Variants in VIPR2 observed in about 807,000 individuals in gnomAD.
VIPR2 encodes the protein vasoactive intestinal polypeptide receptor 2.
Under a neutral mutation model 58.0 loss-of-function variants are expected in VIPR2, and 48 were observed. The observed-to-expected ratio is 0.83, with a 90% confidence interval of 0.66 to 1.05. VIPR2 has a LOEUF of 1.05. Ranked by LOEUF, VIPR2 falls within the 50% of genes least tolerant of loss-of-function variation. The pLI, the probability that VIPR2 is intolerant of heterozygous loss-of-function variation, is 0.00. For missense variants in VIPR2, 534 were observed against 558.0 expected, an observed-to-expected ratio of 0.96 and a Z score of 0.43; for synonymous variants, 243 against 235.2, an observed-to-expected ratio of 1.03 and a Z score of -0.30.
intron 4 of VIPR2, among the ~76,000 whole-genome samples, chr7:159,102,509 C>A (rs1022856590): frequency 6.6e-6 from 1 of 152,204 alleles, no homozygotes; most frequent in African/African-American, 2.4e-5. Flanking sequence ...ACCTTCCAAT[C>A]GTTGGGATAT....
Position 159,141,514 on chromosome 7 carries a change from C to T in VIPR2, c.151+932G>A, listed in dbSNP as rs554621087. Among the ~76,000 whole-genome samples the T allele has an allele frequency of 8.5e-4, 129 of 152,318 alleles. 1 individual carries two copies. The highest frequency in any genetic ancestry group is 1.5e-3 in the Non-Finnish European group (100 of 68,038). ...CCTTGAAATGGGGCCCAAACTGTGTCGTGCTGTAAGCACAAAAAACACACT... is the reference window on the plus strand; with the variant it reads ...CCTTGAAATGGGGCCCAAACTGTGTTGTGCTGTAAGCACAAAAAACACACT... On this transcript the variant is annotated intron_variant, in intron 2 of 12. Transcript: ENST00000262178.
rs186521885 is a variant in VIPR2 at position 159,036,249 on chromosome 7, A to C, written c.749-237T>G. Among the ~76,000 whole-genome samples the C allele has an allele frequency of 3.8e-3, 579 of 152,304 alleles. 1 individual carries two copies. Among genetic ancestry groups the C allele is most frequent in the Non-Finnish European group, 6.9e-3 (469 of 68,032 alleles). On this transcript the variant is annotated intron_variant, in intron 7 of 12. Transcript: ENST00000262178. ...TCTGAGACTTGCCATTCCTCATGAG[A>C]AGGGTTATTACTGGAGGCCATGGAG...
chr7:159,101,185 A>G (rs368074841), intron 4 of VIPR2, among the ~76,000 whole-genome samples: 9,371 of 73,350 alleles, frequency 0.13, 3 homozygotes, highest in East Asian at 0.16. Flanking sequence ...TGTTCCTGTG[A>G]TAGTGAACGG....
At chr7:159,047,942 T>C (rs1027439794) in intron 5 of VIPR2, among the ~76,000 whole-genome samples, 1 of 152,234 alleles carries the variant, frequency 6.6e-6, no homozygotes, top group Non-Finnish European at 1.5e-5. Flanking sequence ...TTCTCAGTGC[T>C]ATCCTGTTGG....
rs145685808 is a variant in VIPR2 at position 159,097,469 on chromosome 7, C to T, written c.357+6288G>A. ...GTGCTGCTGAGGCCATTCCCGGGAA[C>T]GCCACACTCCGCCCTGGCCACCTCC... On this transcript the variant is annotated intron_variant, in intron 4 of 12. Coordinates refer to ENST00000262178, the MANE Select transcript of VIPR2 (RefSeq NM_003382.5). The surrounding 1 kb of genome is among the most constrained non-coding windows in gnomAD (Gnocchi z 5.3). Among the ~76,000 whole-genome samples, 196 of 152,208 alleles carry T rather than the reference C, an allele frequency of 1.3e-3. No individual in the cohort carries two copies. The highest frequency in any genetic ancestry group is 4.5e-3 in the African/African-American group (187 of 41,532).
At chr7:159,078,770 C>A (rs906443574) in intron 4 of VIPR2, among the ~76,000 whole-genome samples, 1 of 152,144 alleles carries the variant, frequency 6.6e-6, no homozygotes, top group Non-Finnish European at 1.5e-5. Flanking sequence ...AAAATGTAAA[C>A]CCAATTACAC....
At chr7:159,070,325 C>G (rs952010161) in intron 4 of VIPR2, among the ~76,000 whole-genome samples, 8 of 152,066 alleles carry the variant, frequency 5.3e-5, no homozygotes, top group African/African-American at 1.9e-4. Context: ...TGCGGTCACT[C>G]TGGTTCTCAG....
intron 4 of VIPR2, among the ~76,000 whole-genome samples, chr7:159,085,177 G>T (rs1238769745): frequency 6.6e-6 from 1 of 152,236 alleles, no homozygotes; most frequent in Non-Finnish European, 1.5e-5. Flanking sequence ...CCATCGTCAT[G>T]ATGGTGCAGC....
At chr7:159,135,502 C>A (rs926240487) in intron 2 of VIPR2, among the ~76,000 whole-genome samples, 1 of 151,828 alleles carries the variant, frequency 6.6e-6, no homozygotes, top group Admixed American at 6.6e-5. Context: ...GGTATCTGTT[C>A]CATAAAAACC....
At chr7:159,101,750 C>T (rs1316574785) in intron 4 of VIPR2, among the ~76,000 whole-genome samples, 6 of 142,646 alleles carry the variant, frequency 4.2e-5, no homozygotes, top group African/African-American at 1.1e-4. Context: ...CGAGATCCGA[C>T]GAGGCGGTTC....
intron 2 of VIPR2, among the ~76,000 whole-genome samples, chr7:159,141,834 C>T (rs1229965290): frequency 6.6e-6 from 1 of 152,148 alleles, no homozygotes; most frequent in Non-Finnish European, 1.5e-5. Context: ...GCAGAGAAAG[C>T]TGAGGGACAA....
At chr7:159,032,104 CCCTCG>C in intron 10 of VIPR2, 37 bp from the exon 11 acceptor site, 1 of 1,611,758 alleles carries the variant, frequency 6.2e-7, no homozygotes. Context: ...AGCTGCTGGA[CCCTCG>C]GACCCTCTGC....
At position 159,128,016 on chromosome 7, in the gene VIPR2, A is replaced by G. The variant is rs1426960115; in HGVS notation, c.151+14430T>C. On this transcript the variant is annotated intron_variant, in intron 2 of 12. Transcript: ENST00000262178. The surrounding 1 kb of genome is among the most constrained non-coding windows in gnomAD (Gnocchi z 4.1). ...TCCCAGAACATACATCCACAGCGCC[A>G]GGACAAACCACCGCTCCCCCCACCT... Among the ~76,000 whole-genome samples the G allele has an allele frequency of 6.6e-6, 1 of 152,152 alleles. No homozygotes were observed. Among genetic ancestry groups the G allele is most frequent in the East Asian group, 1.9e-4 (1 of 5,182 alleles).
chr7:159,079,365 T>C (rs997280976), intron 4 of VIPR2, among the ~76,000 whole-genome samples: 11 of 151,590 alleles, frequency 7.3e-5, no homozygotes, highest in Non-Finnish European at 1.3e-4. Context: ...TGCTCCTGAA[T>C]GACTACTGGG....
In VIPR2 at chr7:159,056,178, C is replaced by T. The variant is rs1218123197; in HGVS notation, c.455+2303G>A. On this transcript the variant is annotated intron_variant, in intron 5 of 12. Transcript: ENST00000262178. ...AAGTACTTGACACGGTGCATATTAG[C>T]AGTTACAGCTGTCCCTTGGTATCCA... 2.6e-5 allele frequency among the ~76,000 whole-genome samples: 4 copies of T among 152,326 alleles called. No homozygotes were observed. The East Asian group carries it at 7.7e-4, about 29-fold the overall frequency.
intron 2 of VIPR2, among the ~76,000 whole-genome samples, chr7:159,114,822 A>C (rs1796175346): frequency 7.1e-6 from 1 of 141,406 alleles, no homozygotes; most frequent in Non-Finnish European, 1.5e-5. Flanking sequence ...AGAGGGAGAG[A>C]GAAAGGAAGG....
In VIPR2 at chr7:159,098,008, C is replaced by G. The variant is rs114231907; in HGVS notation, c.357+5749G>C. Among the ~76,000 whole-genome samples, 1,107 of 152,330 alleles carry G rather than the reference C, an allele frequency of 7.3e-3. 14 individuals are homozygous for G. Among genetic ancestry groups the G allele is most frequent in the African/African-American group, 0.025 (1,029 of 41,578 alleles). On this transcript the variant is annotated intron_variant, in intron 4 of 12. Coordinates refer to ENST00000262178, the MANE Select transcript of VIPR2 (RefSeq NM_003382.5). The surrounding 1 kb of genome is among the most constrained non-coding windows in gnomAD (Gnocchi z 5.2). Reference sequence around the variant, plus strand: ...ACCCACTGGGCCAGAGCCCGCACCACGATCAGTCCCAGGAGCTCCTCCGTG... The same window carrying G: ...ACCCACTGGGCCAGAGCCCGCACCAGGATCAGTCCCAGGAGCTCCTCCGTG...
chr7:159,033,782 T>C, intron 10 of VIPR2, among the ~76,000 whole-genome samples: 1 of 152,134 alleles, frequency 6.6e-6, no homozygotes, highest in East Asian at 1.9e-4. Flanking sequence ...TAAAAAATAC[T>C]GTGTGGTCAA....
At chr7:159,063,873 G>T (rs1388346171) in intron 4 of VIPR2, among the ~76,000 whole-genome samples, 6 of 121,322 alleles carry the variant, frequency 4.9e-5, no homozygotes, top group African/African-American at 1.9e-4. Context: ...CGGGGGTCCT[G>T]GTGGGGTCTG....
Sources: gnomAD v4.1 joint callset for allele counts (sites outside exome capture counted in the v4.1 genomes callset) on GRCh38, gnomAD v4.1.1 for gene constraint, Gnocchi (gnomAD v3.1) non-coding constraint, MANE v1.5 for transcripts, NCBI Gene and HGNC (gene_info 2026-07-23, HGNC 2026-07-21) for gene names.